The following SIPA1L2 variants were observed in gnomAD, a reference collection of about 807,000 sequenced individuals.
SIPA1L2 encodes signal-induced proliferation-associated 1-like protein 2.
Under a neutral mutation model 163.9 loss-of-function variants are expected in SIPA1L2, and 56 were observed. The observed-to-expected ratio is 0.34, with a 90% CI of 0.28 to 0.43. The LOEUF is 0.43. SIPA1L2 is among the 20% of genes least tolerant of loss of function. The pLI is 1.00. For synonymous variants in SIPA1L2, 877 were observed against 865.7 expected, an observed-to-expected ratio of 1.01 and a Z score of -0.23; for missense variants, 1,974 against 2,193.5, an observed-to-expected ratio of 0.90 and a Z score of 2.00.
chr1:232,539,960 C>A (rs528840344), intron 2 of SIPA1L2, among the ~76,000 whole-genome samples: 1 of 152,120 alleles, frequency 6.6e-6, no homozygotes, highest in Non-Finnish European at 1.5e-5. Context: ...GTGCCCAATG[C>A]GAATGCCTGT....
At position 232,439,134 on chromosome 1, in the gene SIPA1L2, A is replaced by C. The variant is rs1662737251; in HGVS notation, c.4005T>G (p.Asp1335Glu). Reference sequence around the variant, plus strand: ...TGGAATGAGAGGATATCTCACTGAGATCGCCCATGCTGCCTTCCGCAGCAC... The same window carrying C: ...TGGAATGAGAGGATATCTCACTGAGCTCGCCCATGCTGCCTTCCGCAGCAC... ...AGSAAEGSMG[D>E]LSEISSHSSG... The change falls in exon 15 of 23, where the codon GAT (aspartate) becomes GAG (glutamate). Residue 1335 changes from aspartate to glutamate, a missense_variant. Physicochemically the swap from Asp to Glu is conservative, Grantham distance 45 (BLOSUM62 2). This residue lies in a region of SIPA1L2 where 1,079 missense variants were observed against 1,150.7 expected (regional missense o/e 0.94). Transcript: ENST00000674635. 6.2e-7 allele frequency: 1 copy of C among 1,610,970 alleles called. No homozygotes were observed. The highest frequency in any genetic ancestry group is 1.3e-5 in the African/African-American group (1 of 74,924).
intron 19 of SIPA1L2, among the ~76,000 whole-genome samples, chr1:232,410,545 A>AATATATAT (rs35712001): frequency 0.055 from 8,134 of 148,828 alleles, 637 homozygotes; most frequent in East Asian, 0.42. Context: ...TGAATTTCAA[A>AATATATAT]ATATATATAT....
At position 232,514,539 on chromosome 1, in the gene SIPA1L2, G is replaced by T. The variant is rs772524004; in HGVS notation, c.801C>A (p.Ala267=). Residue 267 remains alanine, a synonymous_variant, in exon 3 of 23, where the codon GCC becomes GCA. Coordinates refer to ENST00000674635, the MANE Select transcript of SIPA1L2 (RefSeq NM_020808.5). ...TGTCCCTGTCTCTCCCCATCAGGAG[G>T]GCACTGTCCACATAATCTAATCCTG... The part of the protein sequence containing the change: ...RISGLDYVDS[A]LLMGRDRDKP... 3 of 1,614,136 alleles carry T rather than the reference G, an allele frequency of 1.9e-6. No individual in the cohort carries two copies. In the Admixed American group the frequency reaches 5.0e-5, roughly 27 times the overall value.
In SIPA1L2 at chr1:232,471,430, A is replaced by G; in HGVS notation, c.2184T>C (p.Phe728=). Reference sequence around the variant, plus strand: ...CTTTGACTATGACAAAGACATGCTGAAAGTGAGACCGGATGCTTTTTGGAG... The same window carrying G: ...CTTTGACTATGACAAAGACATGCTGGAAGTGAGACCGGATGCTTTTTGGAG... ...PFTPKSIRSH[F]QHVFVIVKVH... The change falls in exon 8 of 23, where the codon TTT becomes TTC. Residue 728 remains phenylalanine (F), a synonymous_variant. Coordinates refer to ENST00000674635, the MANE Select transcript of SIPA1L2 (RefSeq NM_020808.5). The G allele has an allele frequency of 1.2e-6, 2 of 1,614,150 alleles. No individual in the cohort carries two copies. The highest frequency in any genetic ancestry group is 1.7e-6 in the Non-Finnish European group (2 of 1,179,976).
chr1:232,628,229 T>A (rs1020226845), intron 1 of SIPA1L2, among the ~76,000 whole-genome samples: 1 of 152,150 alleles, frequency 6.6e-6, no homozygotes, highest in African/African-American at 2.4e-5. Flanking sequence ...AATGAAAAAA[T>A]CAAACATCCT....
At chr1:232,419,623 C>T (rs1337590079) in intron 18 of SIPA1L2, among the ~76,000 whole-genome samples, 1 of 152,132 alleles carries the variant, frequency 6.6e-6, no homozygotes, top group Non-Finnish European at 1.5e-5. Context: ...TGCTATGTGA[C>T]ACTCCTGCTC....
chr1:232,456,800 G>A (rs1159690920), intron 10 of SIPA1L2, among the ~76,000 whole-genome samples: 1 of 152,104 alleles, frequency 6.6e-6, no homozygotes, highest in Non-Finnish European at 1.5e-5. Flanking sequence ...CACAGAGACT[G>A]TCTGCTTGAG....
intron 1 of SIPA1L2, among the ~76,000 whole-genome samples, chr1:232,620,037 G>T (rs1046505358): frequency 6.6e-6 from 1 of 152,002 alleles, no homozygotes; most frequent in African/African-American, 2.4e-5. Flanking sequence ...GGCACGCGCT[G>T]CCAAGCCTGG....
rs372671865 is a variant in SIPA1L2, at chr1:232,483,768, C to A, written c.1981+24G>T. 8 of 1,612,092 alleles carry A rather than the reference C, an allele frequency of 5.0e-6. No homozygotes were observed. In the South Asian group the frequency reaches 8.8e-5, roughly 18 times the overall value. On this transcript the variant is annotated intron_variant, in intron 6 of 22. Transcript: ENST00000674635. ...CTACCTTTGGAGAATTAAAAATGTGCACACACACAAACATTAAACTTACTC... is the reference window on the plus strand; with the variant it reads ...CTACCTTTGGAGAATTAAAAATGTGAACACACACAAACATTAAACTTACTC...
intron 1 of SIPA1L2, among the ~76,000 whole-genome samples, chr1:232,578,937 A>G (rs1156696656): frequency 6.6e-6 from 1 of 152,198 alleles, no homozygotes; most frequent in African/African-American, 2.4e-5. Flanking sequence ...CAGGAAAAAA[A>G]GAAATGAGCT....
At chr1:232,611,745 G>GA (rs1662246316) in intron 1 of SIPA1L2, among the ~76,000 whole-genome samples, 1 of 152,166 alleles carries the variant, frequency 6.6e-6, no homozygotes, top group Non-Finnish European at 1.5e-5. Flanking sequence ...GATCATAAAA[G>GA]TTCAAAAAAT....
At chr1:232,596,381 A>G (rs1661254432) in intron 1 of SIPA1L2, among the ~76,000 whole-genome samples, 1 of 152,216 alleles carries the variant, frequency 6.6e-6, no homozygotes, top group Admixed American at 6.5e-5. Flanking sequence ...ACGAATTTCA[A>G]ACACACACTG....
At chr1:232,569,906 A>T (rs1227203605) in intron 2 of SIPA1L2, among the ~76,000 whole-genome samples, 1 of 152,208 alleles carries the variant, frequency 6.6e-6, no homozygotes, top group Non-Finnish European at 1.5e-5. Context: ...ACCATAAAAT[A>T]AAAAAGTGCA....
intron 15 of SIPA1L2, among the ~76,000 whole-genome samples, chr1:232,437,082 T>C (rs993470478): frequency 2.0e-4 from 31 of 152,186 alleles, no homozygotes; most frequent in African/African-American, 7.5e-4. Flanking sequence ...AATTTGCCAA[T>C]GGTTAAGGTA....
intron 9 of SIPA1L2, among the ~76,000 whole-genome samples, chr1:232,463,062 T>C (rs1664323345): frequency 6.6e-6 from 1 of 152,188 alleles, no homozygotes; most frequent in Non-Finnish European, 1.5e-5. Context: ...AAAATCAAAA[T>C]GCGAGGCTCC....
chr1:232,613,882 C>T (rs1179499094), intron 1 of SIPA1L2, among the ~76,000 whole-genome samples: 3 of 152,136 alleles, frequency 2.0e-5, no homozygotes, highest in Non-Finnish European at 2.9e-5. Context: ...ATGTAAGAAT[C>T]GCCCACAGGA....
intron 1 of SIPA1L2, among the ~76,000 whole-genome samples, chr1:232,603,110 G>C (rs1176815412): frequency 6.6e-6 from 1 of 152,194 alleles, no homozygotes; most frequent in Non-Finnish European, 1.5e-5. Flanking sequence ...TTGAGTTAGG[G>C]AGGACAACAA....
rs4027502 is a variant in SIPA1L2, at chr1:232,522,944, A to T, written c.-269-7336T>A. On this transcript the variant is annotated intron_variant, in intron 2 of 22. Transcript: ENST00000674635. ...ATTTACACACAAAGAATAAGAGAACACAAACCAGTAACTGACTGCAGTGTT... is the reference window on the plus strand; with the variant it reads ...ATTTACACACAAAGAATAAGAGAACTCAAACCAGTAACTGACTGCAGTGTT... Among the ~76,000 whole-genome samples, 734 of 152,368 alleles carry T rather than the reference A, an allele frequency of 4.8e-3. 4 individuals are homozygous for T. Among genetic ancestry groups the T allele is most frequent in the Non-Finnish European group, 8.0e-3 (547 of 68,036 alleles).
rs948743602 is a variant in SIPA1L2 at position 232,585,209 on chromosome 1, T to G, written c.-318-10987A>C. ...TATCCATTTGGGTAATTTGCTGTAT[T>G]CAAGTAAACACAACTTCTATCAATT... On this transcript the variant is annotated intron_variant, in intron 1 of 22. Transcript: ENST00000674635. 1.8e-4 allele frequency among the ~76,000 whole-genome samples: 28 copies of G among 152,212 alleles called. 1 individual carries two copies. Among genetic ancestry groups the G allele is most frequent in the Admixed American group, 1.4e-3 (21 of 15,280 alleles).
Sources: allele counts gnomAD v4.1 joint callset (sites outside exome capture counted in the v4.1 genomes callset), GRCh38; gene constraint gnomAD v4.1.1; regional missense constraint gnomAD v4.1.1; transcripts MANE v1.5; gene names NCBI Gene and HGNC (gene_info 2026-07-23, HGNC 2026-07-21).